The following AGMO variants were observed in gnomAD, a reference collection of about 807,000 sequenced individuals.
AGMO encodes glyceryl-ether monooxygenase.
Under a neutral mutation model 60.2 loss-of-function variants are expected in AGMO, and 75 were observed. The ratio of observed to expected loss-of-function variants is 1.25; its 90% confidence interval spans 1.03 to 1.51. AGMO has a LOEUF of 1.51. Ranked by LOEUF, AGMO falls within the 40% of genes most tolerant of loss-of-function variation. The probability of loss-of-function intolerance (pLI) is 0.00; values close to 1 mark genes in which losing one functional copy is unlikely to be tolerated. For missense variants in AGMO, 763 were observed against 525.5 expected, an observed-to-expected ratio of 1.45 and a Z score of -4.42; for synonymous variants, 261 against 177.1, an observed-to-expected ratio of 1.47 and a Z score of -3.76.
At chr7:15,225,688 T>C (rs1029852237) in intron 12 of AGMO, among the ~76,000 whole-genome samples, 3 of 151,984 alleles carry the variant, frequency 2.0e-5, no homozygotes, top group African/African-American at 7.2e-5. Flanking sequence ...TTGTTACTCA[T>C]GGCAGAATAA....
the AGMO span, among the ~76,000 whole-genome samples, chr7:15,158,448 T>C: frequency 6.6e-6 from 1 of 151,992 alleles, no homozygotes; most frequent in African/African-American, 2.4e-5. Context: ...CAACAACATA[T>C]AATGTCAACA....
chr7:15,272,488 C>T (rs1051821671), intron 12 of AGMO, among the ~76,000 whole-genome samples: 1 of 151,956 alleles, frequency 6.6e-6, no homozygotes, highest in Non-Finnish European at 1.5e-5. Context: ...CATAGTATTC[C>T]ATGGTGTATA....
At chr7:15,362,480 T>C (rs751110293) in intron 12 of AGMO, among the ~76,000 whole-genome samples, 19 of 152,204 alleles carry the variant, frequency 1.2e-4, no homozygotes, top group Admixed American at 2.6e-4. Context: ...TGAACAATGA[T>C]AACTGTAATT....
At chr7:15,292,435 G>T (rs1033436601) in intron 12 of AGMO, among the ~76,000 whole-genome samples, 6 of 152,166 alleles carry the variant, frequency 3.9e-5, no homozygotes, top group Non-Finnish European at 7.3e-5. Context: ...GAAAACGTAA[G>T]ATTGGTTCCA....
At chr7:15,272,202 C>A (rs920892849) in intron 12 of AGMO, among the ~76,000 whole-genome samples, 13 of 151,580 alleles carry the variant, frequency 8.6e-5, no homozygotes, top group African/African-American at 2.9e-4. Context: ...CATATGTATA[C>A]ATGTGCCATG....
intron 12 of AGMO, among the ~76,000 whole-genome samples, chr7:15,249,190 T>C (rs1383382650): frequency 2.0e-5 from 3 of 152,122 alleles, no homozygotes; most frequent in African/African-American, 4.8e-5. Flanking sequence ...AAGAGCTGAA[T>C]AATGGCTGCT....
chr7:15,365,505 AT>A lies in AGMO; in HGVS notation c.1263+8del, dbSNP rs770368536. ...CGCCATCCTGTGGCTACCTAAACAA[AT>A]GTCTTACCTCAAAAGCAGATGACAA... On this transcript the variant is annotated splice_region_variant and intron_variant, in intron 12 of 12. Coordinates refer to ENST00000342526, the MANE Select transcript of AGMO (RefSeq NM_001004320.2). The A allele has an allele frequency of 1.1e-4, 175 of 1,598,442 alleles. No individual in the cohort carries two copies. The African/African-American group carries it at 2.1e-3, about 19-fold the overall frequency.
intron 5 of AGMO, among the ~76,000 whole-genome samples, chr7:15,394,577 C>T (rs941981729): frequency 1.3e-5 from 2 of 152,144 alleles, no homozygotes; most frequent in African/African-American, 4.8e-5. Context: ...GTATTACACA[C>T]CACTATCACC....
At chr7:15,493,692 G>T (rs1424023706) in intron 3 of AGMO, among the ~76,000 whole-genome samples, 2 of 151,984 alleles carry the variant, frequency 1.3e-5, no homozygotes, top group Non-Finnish European at 2.9e-5. Context: ...CTTTTTCCCT[G>T]ATCATTTGAT....
At chr7:15,343,390 G>C (rs75228114) in intron 12 of AGMO, among the ~76,000 whole-genome samples, 191 of 152,000 alleles carry the variant, frequency 1.3e-3, no homozygotes, top group African/African-American at 4.6e-3. Flanking sequence ...CCACTACCAA[G>C]ATGCCTCTAA....
chr7:15,172,771 G>A, the AGMO span, among the ~76,000 whole-genome samples: 6 of 152,168 alleles, frequency 3.9e-5, no homozygotes, highest in Admixed American at 1.3e-4. Context: ...AGCTACAGGT[G>A]AAGTGTGAAG....
intron 12 of AGMO, among the ~76,000 whole-genome samples, chr7:15,237,439 T>C (rs1232412132): frequency 6.6e-6 from 1 of 152,094 alleles, no homozygotes; most frequent in Non-Finnish European, 1.5e-5. Context: ...TTGCCCACAG[T>C]TCTGTTACAA....
In AGMO at chr7:15,201,167, C is replaced by G. The variant is rs975972751; in HGVS notation, c.*118G>C. 3 of 581,716 alleles carry G rather than the reference C, an allele frequency of 5.2e-6. No individual in the cohort carries two copies. Among genetic ancestry groups the G allele is most frequent in the Non-Finnish European group, 8.2e-6 (3 of 364,262 alleles). The allele number at this position is 581,716 out of a possible 1,614,324, so 36.0% of individuals were successfully genotyped here. A position where few individuals can be genotyped will look rare whatever the true frequency, so the allele number is the denominator to read the frequency against. On this transcript the variant is annotated 3_prime_UTR_variant, in exon 13 of 13. Coordinates refer to ENST00000342526, the MANE Select transcript of AGMO (RefSeq NM_001004320.2). The stretch of plus-strand genomic sequence containing the variant: ...AAACAATAGTAAATAAGTAATTTTA[C>G]TTTTCATTGAAGAAATAGTTCATAT...
At chr7:15,549,727 A>G (rs967479577) in intron 2 of AGMO, among the ~76,000 whole-genome samples, 1 of 151,464 alleles carries the variant, frequency 6.6e-6, no homozygotes, top group African/African-American at 2.4e-5. Context: ...GGGAGACTTT[A>G]ACACCTCACT....
At chr7:15,402,017 C>A (rs996788391) in intron 5 of AGMO, among the ~76,000 whole-genome samples, 71 of 151,330 alleles carry the variant, frequency 4.7e-4, no homozygotes, top group Middle Eastern at 3.4e-3. Flanking sequence ...TATTCACTGC[C>A]ACCAGTATTG....
intron 3 of AGMO, among the ~76,000 whole-genome samples, chr7:15,530,476 A>G (rs1784277249): frequency 8.8e-6 from 1 of 113,168 alleles, no homozygotes; most frequent in Non-Finnish European, 1.7e-5. Context: ...TATTCTATAT[A>G]CGTATTTCTA....
At chr7:15,500,535 TATAGAAA>T (rs1346410717) in intron 3 of AGMO, among the ~76,000 whole-genome samples, 1 of 151,894 alleles carries the variant, frequency 6.6e-6, no homozygotes, top group Admixed American at 6.6e-5. Flanking sequence ...ATATCAAGCT[TATAGAAA>T]AGTTTCTAGA....
the AGMO span, among the ~76,000 whole-genome samples, chr7:15,180,659 G>C: frequency 1.3e-5 from 2 of 152,102 alleles, no homozygotes; most frequent in African/African-American, 2.4e-5. Context: ...GCCTTGTCTA[G>C]TCTGTTCTTC....
intron 12 of AGMO, among the ~76,000 whole-genome samples, chr7:15,233,563 C>T (rs1466291774): frequency 1.3e-5 from 2 of 150,290 alleles, no homozygotes; most frequent in Non-Finnish European, 3.0e-5. Flanking sequence ...TTTTTTTTTC[C>T]CCCCTTTGGA....
Sources: allele counts gnomAD v4.1 joint callset (sites outside exome capture counted in the v4.1 genomes callset), GRCh38; gene constraint gnomAD v4.1.1; transcripts MANE v1.5; gene names NCBI Gene and HGNC (gene_info 2026-07-23, HGNC 2026-07-21).